Variants in ZC3HAV1 observed in about 807,000 individuals in gnomAD.
ZC3HAV1 encodes zinc finger CCCH-type containing, antiviral 1.
ZC3HAV1 carries 41 observed loss-of-function variants against 86.6 expected under a neutral mutation model. The observed-to-expected ratio is 0.47, with a 90% CI of 0.37 to 0.61. The LOEUF is 0.61. ZC3HAV1 is among the 20% of genes least tolerant of loss of function. ZC3HAV1 has a pLI of 0.00. For missense variants in ZC3HAV1, 964 were observed against 1,141.1 expected (o/e 0.84, Z 2.24); for synonymous variants, 421 against 432.1 (o/e 0.97, Z 0.32).
rs1284043918 is a variant in ZC3HAV1, at chr7:139,046,555, T to C, written c.*1039A>G. The C allele has an allele frequency of 1.3e-5, 2 of 152,228 alleles. No homozygotes were observed. Among genetic ancestry groups the C allele is most frequent in the African/African-American group, 4.8e-5 (2 of 41,458 alleles). The allele number at this position is 152,228 out of a possible 1,614,324, so 9.4% of individuals were successfully genotyped here. A position where few individuals can be genotyped will look rare whatever the true frequency, so the allele number is the denominator to read the frequency against. ...GCCCAAATGGGCAATTAACTCCAGT[T>C]GGTTGCTTCTCTCTGAGCCTTACTT... On this transcript the variant is annotated 3_prime_UTR_variant, in exon 13 of 13. Coordinates refer to ENST00000242351, the MANE Select transcript of ZC3HAV1 (RefSeq NM_020119.4).
intron 2 of ZC3HAV1, among the ~76,000 whole-genome samples, chr7:139,089,160 A>G (rs1817360572): frequency 6.7e-6 from 1 of 149,190 alleles, no homozygotes; most frequent in African/African-American, 2.5e-5. Flanking sequence ...CCTCTGGGTT[A>G]TAGATTGCTG....
At chr7:139,060,673 T>TAA (rs35979655) in intron 9 of ZC3HAV1, 10,707 of 927,512 alleles carry the variant, frequency 0.012, 102 homozygotes, top group African/African-American at 0.074. Flanking sequence ...AGACCCCCTC[T>TAA]AAAAAAAAAA....
At chr7:139,052,521 C>G (rs945244388) in intron 12 of ZC3HAV1, among the ~76,000 whole-genome samples, 4 of 148,212 alleles carry the variant, frequency 2.7e-5, no homozygotes, top group African/African-American at 1.0e-4. Flanking sequence ...AGGAGAATCA[C>G]TTGAACCAAG....
chr7:139,102,726 T>TACACAC (rs1491404275), intron 1 of ZC3HAV1, among the ~76,000 whole-genome samples: 8 of 125,016 alleles, frequency 6.4e-5, no homozygotes, highest in African/African-American at 2.1e-4. Flanking sequence ...ACACTGTCTC[T>TACACAC]ATACACACAC....
chr7:139,060,868 T>A (rs772263485), intron 9 of ZC3HAV1, 168 bp downstream of exon 9: 3 of 1,537,346 alleles, frequency 2.0e-6, no homozygotes, highest in Non-Finnish European at 2.6e-6. Context: ...AGTCACACCA[T>A]GCTGCTTAAC....
chr7:139,074,086 A>G lies in ZC3HAV1; in HGVS notation c.1698-56T>C. On this transcript the variant is annotated intron_variant, in intron 6 of 12. Transcript: ENST00000242351. ...TGCTTCATTGACCCCTGTTTTCTAC[A>G]ATCTCGTCTTCCCTAATGAGAGCAC... The G allele has an allele frequency of 2.6e-6, 4 of 1,528,086 alleles. No homozygotes were observed. The Admixed American group carries it at 7.1e-5, about 27-fold the overall frequency. 94.7% of individuals were successfully genotyped at this position (1,528,086 alleles called of 1,614,324 possible). A position where few individuals can be genotyped will look rare whatever the true frequency, so the allele number is the denominator to read the frequency against.
chr7:139,060,938 T>C (rs753087155), intron 9 of ZC3HAV1, 98 bp downstream of exon 9: 2 of 1,600,848 alleles, frequency 1.2e-6, no homozygotes, highest in Admixed American at 3.3e-5. Context: ...ACAGGAACTT[T>C]TCAGGAAAAC....
chr7:139,078,154 A>G (rs1817009499), intron 5 of ZC3HAV1, among the ~76,000 whole-genome samples: 1 of 152,166 alleles, frequency 6.6e-6, no homozygotes, highest in African/African-American at 2.4e-5. Context: ...CAGGAGAATC[A>G]CTTGAACCCA....
intron 1 of ZC3HAV1, among the ~76,000 whole-genome samples, chr7:139,095,088 C>T (rs1354844745): frequency 6.7e-6 from 1 of 150,326 alleles, no homozygotes; most frequent in East Asian, 2.0e-4. Flanking sequence ...ACAAAAAGAT[C>T]GTTGATTTGT....
rs1426583857 is a variant in ZC3HAV1 at position 139,053,583 on chromosome 7, T to A, written c.2319-2A>T. On this transcript the variant is annotated splice_acceptor_variant, in intron 11 of 12. Coordinates refer to ENST00000242351, the MANE Select transcript of ZC3HAV1 (RefSeq NM_020119.4). LOFTEE classifies it high-confidence loss of function. Reference sequence around the variant, plus strand: ...TCTTCCTTCATCTGCGATTTCTTCCTAATATAAGAGATGTGAGACTTAACA... The same window carrying A: ...TCTTCCTTCATCTGCGATTTCTTCCAAATATAAGAGATGTGAGACTTAACA... 6.3e-7 allele frequency: 1 copy of A among 1,591,664 alleles called. No individual in the cohort carries two copies. The highest frequency in any genetic ancestry group is 1.3e-5 in the African/African-American group (1 of 74,076).
In ZC3HAV1 at chr7:139,109,172, T is replaced by C. The variant is rs757772140; in HGVS notation, c.160A>G (p.Thr54Ala). Reference sequence around the variant, plus strand: ...CGGGTGATCCCGGCCTCGCCGCCGGTCTCCAACACCACAAAGCGGTCGGGC... The same window carrying C: ...CGGGTGATCCCGGCCTCGCCGCCGGCCTCCAACACCACAAAGCGGTCGGGC... ...AGPDRFVVLE[T>A]GGEAGITRSV... The change falls in exon 1 of 13, where the codon ACC becomes GCC. Residue 54 changes from threonine to alanine, a missense_variant. Physicochemically the swap from Thr to Ala is moderately conservative, Grantham distance 58. Coordinates refer to ENST00000242351, the MANE Select transcript of ZC3HAV1 (RefSeq NM_020119.4). 12 of 1,601,742 alleles carry C rather than the reference T, an allele frequency of 7.5e-6. No individual in the cohort carries two copies. Among genetic ancestry groups the C allele is most frequent in the Non-Finnish European group, 9.4e-6 (11 of 1,174,508 alleles).
intron 6 of ZC3HAV1, 76 bp from the exon 7 acceptor site, chr7:139,074,106 G>C (rs1703527186): frequency 7.1e-7 from 1 of 1,411,996 alleles, no homozygotes; most frequent in African/African-American, 1.4e-5. Flanking sequence ...TCCCTAATGA[G>C]AGCACAGAAT....
At chr7:139,097,422 A>ATTT (rs1563140647) in intron 1 of ZC3HAV1, among the ~76,000 whole-genome samples, 11 of 79,516 alleles carry the variant, frequency 1.4e-4, no homozygotes, top group African/African-American at 3.1e-4. Flanking sequence ...ATATATATAT[A>ATTT]TATATATTTT....
intron 3 of ZC3HAV1, among the ~76,000 whole-genome samples, chr7:139,081,590 C>G (rs1817130304): frequency 6.6e-6 from 1 of 152,148 alleles, no homozygotes; most frequent in African/African-American, 2.4e-5. Flanking sequence ...TGATGTGAGG[C>G]CTTGAAAATG....
intron 1 of ZC3HAV1, among the ~76,000 whole-genome samples, chr7:139,106,736 G>C (rs1012267200): frequency 6.6e-6 from 1 of 152,000 alleles, no homozygotes; most frequent in East Asian, 1.9e-4. Flanking sequence ...TATTAAAATT[G>C]TAATTTTTTT....
intron 7 of ZC3HAV1, among the ~76,000 whole-genome samples, chr7:139,065,352 A>G (rs1816567511): frequency 6.6e-6 from 1 of 152,234 alleles, no homozygotes; most frequent in Non-Finnish European, 1.5e-5. Context: ...GTCATCTAAC[A>G]GAATCTGACA....
chr7:139,066,893 C>G (rs1816621336), intron 7 of ZC3HAV1, among the ~76,000 whole-genome samples: 1 of 152,136 alleles, frequency 6.6e-6, no homozygotes, highest in African/African-American at 2.4e-5. Flanking sequence ...CATTGACATA[C>G]ATGTGAGTGC....
chr7:139,103,261 TTTTA>T (rs1817830279), intron 1 of ZC3HAV1, among the ~76,000 whole-genome samples: 1 of 149,996 alleles, frequency 6.7e-6, no homozygotes, highest in Non-Finnish European at 1.5e-5. Context: ...TTTTTTATTT[TTTTA>T]TTTTTTTATT....
At chr7:139,057,308 T>C (rs895285720) in intron 9 of ZC3HAV1, among the ~76,000 whole-genome samples, 3 of 108,318 alleles carry the variant, frequency 2.8e-5, no homozygotes, top group African/African-American at 8.7e-5. Context: ...CAGTGAGCCA[T>C]GATCACACCA....
Sources: gnomAD v4.1 joint callset for allele counts (sites outside exome capture counted in the v4.1 genomes callset) on GRCh38, gnomAD v4.1.1 for gene constraint, MANE v1.5 for transcripts, NCBI Gene and HGNC (gene_info 2026-07-23, HGNC 2026-07-21) for gene names.